The following TBCD variants were observed in gnomAD, a reference collection of about 807,000 sequenced individuals.
TBCD encodes tubulin folding cofactor D.
A neutral mutation model predicts 169.3 loss-of-function variants in TBCD; 105 were observed. The observed-to-expected ratio is 0.62, with a 90% CI of 0.53 to 0.73. The LOEUF is 0.73. TBCD is among the 30% of genes least tolerant of loss of function. The probability of loss-of-function intolerance (pLI) is 0.00; values close to 1 mark genes in which losing one functional copy is unlikely to be tolerated. For missense variants in TBCD, 1,444 were observed against 1,600.1 expected, an observed-to-expected ratio of 0.90 and a Z score of 1.66; for synonymous variants, 700 against 643.9, an observed-to-expected ratio of 1.09 and a Z score of -1.32.
intron 1 of TBCD, 22 bp downstream of exon 1, chr17:82,752,399 C>T (rs2047144414): frequency 3.3e-6 from 4 of 1,217,804 alleles, no homozygotes; most frequent in East Asian, 3.4e-5. Context: ...GCGCCGCGTG[C>T]CCGCTTCCTC....
intron 21 of TBCD, among the ~76,000 whole-genome samples, chr17:82,908,957 A>G (rs965397303): frequency 1.3e-5 from 2 of 152,246 alleles, no homozygotes; most frequent in African/African-American, 4.8e-5. Context: ...TGGCACAGTT[A>G]CTTTTCTGCA....
chr17:82,913,243 G>A (rs767821253), intron 23 of TBCD: 3 of 152,250 alleles, frequency 2.0e-5, no homozygotes, highest in Admixed American at 6.5e-5. Context: ...TCCCACCCAC[G>A]ACACGGGTCG....
intron 4 of TBCD, among the ~76,000 whole-genome samples, chr17:82,767,771 A>G (rs530399679): frequency 2.6e-5 from 4 of 152,234 alleles, no homozygotes; most frequent in Admixed American, 1.3e-4. Context: ...CCTGGCTAAC[A>G]CGGTGCAACC....
rs377565207 is a variant in TBCD, at chr17:82,831,404, C to G, written c.1318+16470C>G. 4 of 1,614,158 alleles carry G rather than the reference C, an allele frequency of 2.5e-6. No individual in the cohort carries two copies. Among genetic ancestry groups the G allele is most frequent in the South Asian group, 2.2e-5 (2 of 91,086 alleles). ...GCTGGATAGACCAGGGTGGCTTCTT[C>G]AAGCAGGTGAGAGCTCTGATCTCGG... is the stretch of plus-strand genomic sequence containing the variant. On this transcript the variant is annotated intron_variant, in intron 13 of 38. Transcript: ENST00000355528. The surrounding 1 kb of genome is among the most constrained non-coding windows in gnomAD (Gnocchi z 4.6).
Position 82,831,647 on chromosome 17 carries a change from C to T in TBCD, c.1318+16713C>T, listed in dbSNP as rs898913707. The T allele has an allele frequency of 5.9e-5, 96 of 1,613,946 alleles. No homozygotes were observed. The highest frequency in any genetic ancestry group is 1.6e-4 in the Middle Eastern group (1 of 6,084). On this transcript the variant is annotated intron_variant, in intron 13 of 38. Transcript: ENST00000355528. This position sits in a 1 kb window ranked among gnomAD's most constrained non-coding sequence, Gnocchi z 4.6. ...GTTCCGTAGACTGACAGCAGGGGTG[C>T]GTCACACTCAGGCGAGCTCCCAGCC...
chr17:82,902,601 C>T lies in TBCD; in HGVS notation c.1731-804C>T, dbSNP rs554670253. On this transcript the variant is annotated intron_variant, in intron 18 of 38. Coordinates refer to ENST00000355528, the MANE Select transcript of TBCD (RefSeq NM_005993.5). ...CCTGAGCAGGGCCCTCGGCCGACAC[C>T]AGAGGGGCTGTGGCAGGTGGTCCTG... 4.6e-5 allele frequency among the ~76,000 whole-genome samples: 7 copies of T among 152,372 alleles called. No individual in the cohort carries two copies. In the South Asian group the frequency reaches 1.5e-3, roughly 32 times the overall value.
At chr17:82,906,126 C>T in intron 20 of TBCD, 73 bp downstream of exon 20, 2 of 1,179,494 alleles carry the variant, frequency 1.7e-6, no homozygotes, top group Non-Finnish European at 2.4e-6. Context: ...ACAGTGCTCT[C>T]CAGTTCGAGA....
chr17:82,913,249 G>A (rs908820641), intron 23 of TBCD: 1 of 152,282 alleles, frequency 6.6e-6, no homozygotes, highest in Non-Finnish European at 1.5e-5. Context: ...CCACGACACG[G>A]GTCGTGCCCT....
intron 13 of TBCD, among the ~76,000 whole-genome samples, chr17:82,867,756 A>T (rs1293798520): frequency 6.6e-6 from 1 of 152,176 alleles, no homozygotes; most frequent in Non-Finnish European, 1.5e-5. Flanking sequence ...ATCCTCACTG[A>T]CTTTTTAGAA....
intron 13 of TBCD, among the ~76,000 whole-genome samples, chr17:82,846,553 C>T (rs1409054490): frequency 6.6e-6 from 1 of 152,240 alleles, no homozygotes; most frequent in East Asian, 1.9e-4. Flanking sequence ...GGCTGAGACC[C>T]AGGGGAAGCT....
At chr17:82,847,345 T>A (rs1426216895) in intron 13 of TBCD, among the ~76,000 whole-genome samples, 2 of 106,050 alleles carry the variant, frequency 1.9e-5, no homozygotes, top group African/African-American at 7.7e-5. Flanking sequence ...AGAGCGAGAC[T>A]CCATGTCAAA....
rs561118303 is a variant in TBCD, at chr17:82,779,269, G to T, written c.639-2320G>T. On this transcript the variant is annotated intron_variant, in intron 6 of 38. Transcript: ENST00000355528. Reference sequence around the variant, plus strand: ...TTCACCTGCCTTGGCCTCCCAAAGTGCTGGGATTACGGGCTTGAGCCACTG... The same window carrying T: ...TTCACCTGCCTTGGCCTCCCAAAGTTCTGGGATTACGGGCTTGAGCCACTG... 3.9e-5 allele frequency among the ~76,000 whole-genome samples: 6 copies of T among 152,206 alleles called. No homozygotes were observed. The South Asian group carries it at 1.0e-3, about 26-fold the overall frequency.
intron 15 of TBCD, among the ~76,000 whole-genome samples, chr17:82,885,549 T>G (rs531460616): frequency 8.2e-4 from 125 of 152,274 alleles, no homozygotes; most frequent in African/African-American, 2.9e-3. Context: ...CATAATTTTT[T>G]GGGGAAATCA....
At chr17:82,871,943 C>A (rs969604290) in intron 14 of TBCD, among the ~76,000 whole-genome samples, 1 of 146,558 alleles carries the variant, frequency 6.8e-6, no homozygotes, top group South Asian at 2.1e-4. Context: ...TGGTAAGCAG[C>A]TCGTTGTGAG....
chr17:82,806,141 T>A lies in TBCD; in HGVS notation c.1087+130T>A. 1 of 1,277,616 alleles carries A rather than the reference T, an allele frequency of 7.8e-7. No individual in the cohort carries two copies. Among genetic ancestry groups the A allele is most frequent in the South Asian group, 1.5e-5 (1 of 68,758 alleles). The allele number at this position is 1,277,616 out of a possible 1,614,324, so 79.1% of individuals were successfully genotyped here. A position where few individuals can be genotyped will look rare whatever the true frequency, so the allele number is the denominator to read the frequency against. On this transcript the variant is annotated intron_variant, in intron 10 of 38. Transcript: ENST00000355528. The surrounding 1 kb of genome is among the most constrained non-coding windows in gnomAD (Gnocchi z 5.1). The stretch of plus-strand genomic sequence containing the variant: ...CTGGCCACCCGTCCCCTTCGCTGAG[T>A]GCACGGTCACTGCCCGTCCTCTGGC...
At chr17:82,825,655 CTGTA>C (rs920991767) in intron 13 of TBCD, among the ~76,000 whole-genome samples, 19 of 152,168 alleles carry the variant, frequency 1.2e-4, no homozygotes, top group African/African-American at 4.6e-4. Context: ...GTGACAAACT[CTGTA>C]TCCCTCTTAC....
At chr17:82,807,195 C>T (rs2051032955) in intron 10 of TBCD, among the ~76,000 whole-genome samples, 2 of 152,252 alleles carry the variant, frequency 1.3e-5, no homozygotes, top group Non-Finnish European at 2.9e-5. Flanking sequence ...AAAGTTCAGC[C>T]TGCCGCCAAG....
At chr17:82,848,828 TTC>T in intron 13 of TBCD, among the ~76,000 whole-genome samples, 1 of 152,058 alleles carries the variant, frequency 6.6e-6, no homozygotes, top group East Asian at 1.9e-4. Context: ...CTGCTGCGTC[TTC>T]TCCACCTCGA....
At chr17:82,941,287 G>A in intron 37 of TBCD, 112 bp from the exon 38 acceptor site, 1 of 850,652 alleles carries the variant, frequency 1.2e-6, no homozygotes. Flanking sequence ...GATGTCGGGG[G>A]TGAGGTCTCC....
Sources: allele counts gnomAD v4.1 joint callset (sites outside exome capture counted in the v4.1 genomes callset), GRCh38; gene constraint gnomAD v4.1.1; non-coding constraint Gnocchi (gnomAD v3.1); transcripts MANE v1.5; gene names NCBI Gene and HGNC (gene_info 2026-07-23, HGNC 2026-07-21).